Variants in HNRNPM observed in about 807,000 individuals in gnomAD.
HNRNPM encodes heterogeneous nuclear ribonucleoprotein M.
In HNRNPM, 11 loss-of-function variants were observed where a neutral mutation model predicts 73.1. That is an observed-to-expected ratio of 0.15 (90% CI 0.09 to 0.25). The LOEUF (loss-of-function observed/expected upper bound fraction) is 0.25, where lower values mean the gene tolerates loss of function less well. Ranked by LOEUF, HNRNPM falls within the 10% of genes least tolerant of loss-of-function variation. The pLI is 1.00. For missense variants in HNRNPM, 789 were observed against 1,067.9 expected, an observed-to-expected ratio of 0.74 and a Z score of 3.64; for synonymous variants, 407 against 355.2, an observed-to-expected ratio of 1.15 and a Z score of -1.64.
At chr19:8,455,626 C>T (rs944770972) in intron 2 of HNRNPM, 52 bp downstream of exon 2, 2 of 1,470,730 alleles carry the variant, frequency 1.4e-6, no homozygotes, top group African/African-American at 2.8e-5. Context: ...GTCATCTTTT[C>T]TGTGGCTAAT....
intron 12 of HNRNPM, among the ~76,000 whole-genome samples, chr19:8,475,321 A>C (rs186092830): frequency 6.4e-4 from 98 of 152,230 alleles, no homozygotes; most frequent in Middle Eastern, 6.8e-3. Context: ...GAAATTGTAA[A>C]TTTTCCTTTT....
intron 12 of HNRNPM, among the ~76,000 whole-genome samples, chr19:8,480,301 AC>A (rs1490931679): frequency 7.0e-6 from 1 of 142,902 alleles, no homozygotes; most frequent in African/African-American, 2.6e-5. Flanking sequence ...CCGAGGTCAA[AC>A]CACTGCACTC....
At chr19:8,475,823 T>G (rs1192903354) in intron 12 of HNRNPM, among the ~76,000 whole-genome samples, 2 of 151,882 alleles carry the variant, frequency 1.3e-5, no homozygotes, top group Non-Finnish European at 2.9e-5. Context: ...ATCCCAACAC[T>G]TTGGGAGGCT....
chr19:8,487,186 GCCTTGCCATGTTCTGC>G, intron 15 of HNRNPM, 111 bp downstream of exon 15: 3 of 890,944 alleles, frequency 3.4e-6, no homozygotes, highest in Non-Finnish European at 5.7e-6. Flanking sequence ...AGGACCCATG[GCCTTGCCATGTTCTGC>G]CCACGCCAAT....
intron 12 of HNRNPM, among the ~76,000 whole-genome samples, chr19:8,475,355 C>G (rs1275439682): frequency 6.6e-6 from 1 of 152,242 alleles, no homozygotes; most frequent in Non-Finnish European, 1.5e-5. Flanking sequence ...GTGTTGGTGA[C>G]TCTTTGACCT....
chr19:8,471,812 A>AC (rs1291960655), intron 10 of HNRNPM, among the ~76,000 whole-genome samples: 2 of 151,776 alleles, frequency 1.3e-5, no homozygotes, highest in Non-Finnish European at 2.9e-5. Context: ...TCTTACCAAG[A>AC]CCCCTTTGGG....
rs139544888 is a variant in HNRNPM, at chr19:8,465,346, G to A, written c.461G>A (p.Arg154Lys). 1.1e-5 allele frequency: 18 copies of A among 1,609,168 alleles called. No homozygotes were observed. The highest frequency in any genetic ancestry group is 1.4e-5 in the Non-Finnish European group (17 of 1,178,306). ...VKEDPDGEHA[R>K]RAMQKVMATT... ...TAGGATCCTGATGGTGAACATGCCA[G>A]GAGAGCAATGCAAAAGGTGATGGCT... Residue 154 changes from arginine (R) to lysine (K), a missense_variant, in exon 6 of 16, where the codon AGG (arginine) becomes AAG (lysine). Arg to Lys is a conservative substitution (Grantham distance 26). Transcript: ENST00000325495.
At chr19:8,471,531 T>G (rs1970137686) in intron 10 of HNRNPM, 104 bp downstream of exon 10, 1 of 511,554 alleles carries the variant, frequency 2.0e-6, no homozygotes, top group Non-Finnish European at 3.4e-6. Context: ...AATATTTAAC[T>G]GGGACAAAAT....
rs764366672 is a variant in HNRNPM, at chr19:8,488,701, G to A, written c.2040G>A (p.Leu680=). The A allele has an allele frequency of 4.3e-6, 7 of 1,613,714 alleles. No individual in the cohort carries two copies. Among genetic ancestry groups the A allele is most frequent in the Non-Finnish European group, 5.1e-6 (6 of 1,179,696 alleles). Residue 680 remains leucine (L), a synonymous_variant, in exon 16 of 16, where the codon CTG becomes CTA. Transcript: ENST00000325495. ...KDKFNECGHV[L]YADIKMENGK... Reference sequence around the variant, plus strand: ...CCCTCCCTGTCCTAGGCCACGTGCTGTACGCCGACATCAAGATGGAGAATG... The same window carrying A: ...CCCTCCCTGTCCTAGGCCACGTGCTATACGCCGACATCAAGATGGAGAATG...
In HNRNPM at chr19:8,466,206, A is replaced by C. The variant is rs373097253; in HGVS notation, c.631-29A>C. 5 of 1,592,256 alleles carry C rather than the reference A, an allele frequency of 3.1e-6. No individual in the cohort carries two copies. In the African/African-American group the frequency reaches 6.8e-5, roughly 22 times the overall value. The stretch of plus-strand genomic sequence containing the variant: ...TGTGTTTCTTAAGATGTTTACATTG[A>C]GGTTTTTACCCCGTTCTCTCTCGAT... On this transcript the variant is annotated intron_variant, in intron 6 of 15. Transcript: ENST00000325495.
chr19:8,487,346 A>G, intron 15 of HNRNPM: 1 of 420,808 alleles, frequency 2.4e-6, no homozygotes, highest in Non-Finnish European at 4.4e-6. Context: ...CAGATGAGTC[A>G]GGCAGAGTCT....
chr19:8,478,684 T>A (rs1970682312), intron 12 of HNRNPM, among the ~76,000 whole-genome samples: 1 of 152,206 alleles, frequency 6.6e-6, no homozygotes, highest in South Asian at 2.1e-4. Context: ...GCATTATTTG[T>A]CTTTAAGTCT....
chr19:8,453,530 C>G (rs1359159040), intron 1 of HNRNPM, among the ~76,000 whole-genome samples: 1 of 152,168 alleles, frequency 6.6e-6, no homozygotes, highest in East Asian at 1.9e-4. Context: ...GAATAAAGAT[C>G]GGCTCTTCAG....
At chr19:8,446,934 G>A (rs1372614976) in intron 1 of HNRNPM, among the ~76,000 whole-genome samples, 1 of 152,138 alleles carries the variant, frequency 6.6e-6, no homozygotes, top group Non-Finnish European at 1.5e-5. Context: ...TACGGAAGCT[G>A]GTAGGATTTC....
rs1286159013 is a variant in HNRNPM, at chr19:8,485,704, G to A, written c.1276G>A (p.Gly426Ser). The stretch of plus-strand genomic sequence containing the variant: ...GCGCATGGGCGCGGGCCTGGGCCAC[G>A]GCATGGATCGCGTGGGCTCCGAGAT... ...MERMGAGLGH[G>S]MDRVGSEIER... is the part of the protein sequence containing the mutation. The change falls in exon 14 of 16, where the codon GGC (glycine) becomes AGC (serine). Residue 426 changes from glycine (G) to serine (S), a missense_variant. By Grantham distance (56) the Gly-to-Ser change is moderately conservative (BLOSUM62 0). This residue lies in a region of HNRNPM where 604 missense variants were observed against 744.0 expected (regional missense o/e 0.81). Transcript: ENST00000325495. The A allele has an allele frequency of 5.0e-6, 8 of 1,606,858 alleles. No homozygotes were observed. Among genetic ancestry groups the A allele is most frequent in the South Asian group, 1.1e-5 (1 of 91,000 alleles).
intron 2 of HNRNPM, among the ~76,000 whole-genome samples, chr19:8,459,222 A>G: frequency 6.6e-6 from 1 of 152,160 alleles, no homozygotes. Flanking sequence ...CGCAGCCTGC[A>G]TTTTAGAAAG....
Position 8,474,176 on chromosome 19 carries a change from G to A in HNRNPM, c.1052G>A (p.Gly351Glu). Residue 351 changes from glycine to glutamate, a missense_variant, in exon 12 of 16, where the codon GGG becomes GAG. Around this residue, in one of 4 missense-constraint regions of HNRNPM, gnomAD observed 604 missense variants for 744.0 expected, o/e 0.81. Transcript: ENST00000325495. ...FGINKMGGMEGPFGGGMENMG... is the reference protein window; with the variant it reads ...FGINKMGGMEEPFGGGMENMG... ...TGAACCTCTCTTGCAGGAATGGAGG[G>A]GCCCTTTGGTGGTGGTATGGAAAAC... 1 of 1,596,022 alleles carries A rather than the reference G, an allele frequency of 6.3e-7. No individual in the cohort carries two copies. The highest frequency in any genetic ancestry group is 8.5e-7 in the Non-Finnish European group (1 of 1,172,446).
intron 13 of HNRNPM, 59 bp downstream of exon 13, chr19:8,483,270 C>T (rs565718561): frequency 7.5e-7 from 1 of 1,340,506 alleles, no homozygotes; most frequent in Non-Finnish European, 1.1e-6. Context: ...TCGCTGGGGA[C>T]TGTAGAGCTT....
intron 15 of HNRNPM, chr19:8,488,151 C>T (rs1190952184): frequency 6.6e-6 from 1 of 152,450 alleles, no homozygotes; most frequent in African/African-American, 2.4e-5. Flanking sequence ...GCCCTGGGCC[C>T]TCTCTTAGGC....
Sources: allele counts gnomAD v4.1 joint callset (sites outside exome capture counted in the v4.1 genomes callset), GRCh38; gene constraint gnomAD v4.1.1; regional missense constraint gnomAD v4.1.1; transcripts MANE v1.5; gene names NCBI Gene and HGNC (gene_info 2026-07-23, HGNC 2026-07-21).